The following AMOTL2 variants were observed in gnomAD, a reference collection of about 807,000 sequenced individuals.
The protein encoded by AMOTL2 is angiomotin-like protein 2.
AMOTL2 carries 33 observed loss-of-function variants against 78.4 expected under a neutral mutation model. That is an observed-to-expected ratio of 0.42 (90% CI 0.32 to 0.56). The LOEUF (loss-of-function observed/expected upper bound fraction) is 0.56, where lower values mean the gene tolerates loss of function less well. Among genes scored for constraint, AMOTL2 ranks in the 20% least tolerant of loss-of-function variants. The pLI is 0.12. For missense variants in AMOTL2, 983 were observed against 1,030.1 expected (o/e 0.95, Z 0.63); for synonymous variants, 422 against 428.8 (o/e 0.98, Z 0.20).
At position 134,361,554 on chromosome 3, in the gene AMOTL2, C is replaced by T. The variant is rs373578968; in HGVS notation, c.1533G>A (p.Arg511=). The change falls in exon 6 of 10, where the codon CGG becomes CGA. Residue 511 remains arginine, a synonymous_variant. Coordinates refer to ENST00000249883, the MANE Select transcript of AMOTL2 (RefSeq NM_016201.4). ...CCTTGAGTTCCTGCTCCAGGCGAGT[C>T]CGCAGACGCAGCTCCAGCTGCTCCC... The part of the protein sequence containing the change: ...EKREQLELRL[R]TRLEQELKAL... 52 of 1,613,154 alleles carry T rather than the reference C, an allele frequency of 3.2e-5. No homozygotes were observed. The highest frequency in any genetic ancestry group is 4.2e-5 in the Non-Finnish European group (49 of 1,179,880).
chr3:134,361,921 A>G, intron 5 of AMOTL2, 114 bp from the exon 6 acceptor site: 1 of 909,356 alleles, frequency 1.1e-6, no homozygotes, highest in Non-Finnish European at 1.6e-6. Context: ...TTCTCTCAAA[A>G]ATAACAGGAA....
Position 134,357,745 on chromosome 3 carries a change from C to CT in AMOTL2, c.2302dup (p.Arg768LysfsTer87). 1 of 1,614,180 alleles carries CT rather than the reference C, an allele frequency of 6.2e-7. No homozygotes were observed. Among genetic ancestry groups the CT allele is most frequent in the Non-Finnish European group, 8.5e-7 (1 of 1,180,026 alleles). On this transcript the variant is annotated frameshift_variant, in exon 10 of 10. Transcript: ENST00000249883. LOFTEE classifies it high-confidence loss of function. ...CACCATGTCTGACAAGTCCTGGACT[C>CT]TGGATGTAGCTACAGAGTCTGGAGA...
upstream of AMOTL2, chr3:134,375,001 A>G (rs2018036739): frequency 7.0e-7 from 1 of 1,431,464 alleles, no homozygotes; most frequent in African/African-American, 1.4e-5. Flanking sequence ...GGGCTGGGAC[A>G]GTGCCCCGGG....
intron 1 of AMOTL2, among the ~76,000 whole-genome samples, chr3:134,373,363 C>A (rs192168292): frequency 6.6e-6 from 1 of 152,108 alleles, no homozygotes; most frequent in Admixed American, 6.5e-5. Context: ...AGATTCCAGG[C>A]GCTCCATAGT....
At chr3:134,362,273 C>A (rs1162169336) in intron 5 of AMOTL2, among the ~76,000 whole-genome samples, 1 of 152,218 alleles carries the variant, frequency 6.6e-6, no homozygotes, top group Non-Finnish European at 1.5e-5. Flanking sequence ...GGGAACAGAA[C>A]CACCATCGGC....
chr3:134,367,542 C>A lies in AMOTL2; in HGVS notation c.996G>T (p.Gln332His), dbSNP rs767577751. 1 of 1,613,172 alleles carries A rather than the reference C, an allele frequency of 6.2e-7. No individual in the cohort carries two copies. Residue 332 changes from glutamine (Q) to histidine (H), a missense_variant, in exon 3 of 10, where the codon CAG becomes CAT. Transcript: ENST00000249883. Reference sequence around the variant, plus strand: ...TCTCCGCAGAGCTCTCCAGCTCCCTCTGCAGCCGCTCATTGTCTCTCTGCA... The same window carrying A: ...TCTCCGCAGAGCTCTCCAGCTCCCTATGCAGCCGCTCATTGTCTCTCTGCA... Reference protein sequence around the residue: ...ARLQRDNERLQRELESSAEKA... With the variant: ...ARLQRDNERLHRELESSAEKA...
At chr3:134,375,272 G>A (rs1387892089), upstream of AMOTL2, 21 of 1,532,482 alleles carry the variant, frequency 1.4e-5, no homozygotes, top group Admixed American at 4.1e-4. Context: ...AGTGCAAGGT[G>A]TGCCACCGCT....
chr3:134,359,135 G>C (rs2017220042), intron 8 of AMOTL2, 148 bp downstream of exon 8: 2 of 819,328 alleles, frequency 2.4e-6, no homozygotes, highest in African/African-American at 3.4e-5. Context: ...AGAGTCACTA[G>C]AGGCAGAGAA....
At chr3:134,370,399 A>G (rs1310915905) in intron 2 of AMOTL2, among the ~76,000 whole-genome samples, 1 of 152,224 alleles carries the variant, frequency 6.6e-6, no homozygotes. Context: ...GTTCTTTCTG[A>G]AATCTAACCT....
intron 1 of AMOTL2, chr3:134,374,115 G>T: frequency 5.5e-6 from 3 of 542,392 alleles, no homozygotes; most frequent in Non-Finnish European, 6.8e-6. Context: ...CAAGAGACCC[G>T]CGCGTTTCTA....
chr3:134,371,434 G>A lies in AMOTL2; in HGVS notation c.-1C>T. 1 of 1,601,072 alleles carries A rather than the reference G, an allele frequency of 6.2e-7. No individual in the cohort carries two copies. On this transcript the variant is annotated 5_prime_UTR_variant, in exon 2 of 10. Transcript: ENST00000249883. ...CCGAGGAGTCTTCCAGTGTCCTCAT[G>A]CTTCTTTGGCTTGCACACAGCTGCC...
chr3:134,367,415 C>T (rs953187903), intron 3 of AMOTL2, 82 bp downstream of exon 3: 1 of 1,513,608 alleles, frequency 6.6e-7, no homozygotes, highest in Non-Finnish European at 9.0e-7. Context: ...GCTCCTCTGC[C>T]TCTCCTTGGA....
Position 134,356,544 on chromosome 3 carries a change from T to C in AMOTL2, c.*1161A>G, listed in dbSNP as rs2107733645. On this transcript the variant is annotated 3_prime_UTR_variant, in exon 10 of 10. Coordinates refer to ENST00000249883, the MANE Select transcript of AMOTL2 (RefSeq NM_016201.4). ...AGCCAGCCTCCTGGGCACTGTTTTG[T>C]GATGGGGGCTCCATTCAGAGGACTA... The C allele has an allele frequency of 6.5e-6, 1 of 152,796 alleles. No individual in the cohort carries two copies. Among genetic ancestry groups the C allele is most frequent in the East Asian group, 1.9e-4 (1 of 5,180 alleles). 9.5% of individuals were successfully genotyped at this position (152,796 alleles called of 1,614,324 possible).
intron 5 of AMOTL2, among the ~76,000 whole-genome samples, chr3:134,363,557 A>T (rs912949617): frequency 6.6e-6 from 1 of 152,180 alleles, no homozygotes; most frequent in African/African-American, 2.4e-5. Context: ...GGAGAGAAGA[A>T]ATATTCCCAA....
At position 134,358,618 on chromosome 3, in the gene AMOTL2, C is replaced by CT; in HGVS notation, c.2205dup (p.Asp736ArgfsTer12). The CT allele has an allele frequency of 6.2e-7, 1 of 1,613,928 alleles. No individual in the cohort carries two copies. Among genetic ancestry groups the CT allele is most frequent in the Non-Finnish European group, 8.5e-7 (1 of 1,179,936 alleles). ...GGTGGCAGGCAGGTGGAGGTGCTGTCTGGGGGGCCCTCAGTCTGGGTGCTC... is the reference window on the plus strand; with the variant it reads ...GGTGGCAGGCAGGTGGAGGTGCTGTCTTGGGGGGCCCTCAGTCTGGGTGCTC... On this transcript the variant is annotated frameshift_variant, in exon 9 of 10. Transcript: ENST00000249883. LOFTEE classifies it high-confidence loss of function.
intron 2 of AMOTL2, among the ~76,000 whole-genome samples, chr3:134,368,444 G>A (rs924652727): frequency 2.0e-5 from 3 of 151,920 alleles, no homozygotes; most frequent in African/African-American, 7.2e-5. Context: ...TGAGACAAAT[G>A]TCAGGGTAAG....
At chr3:134,362,476 C>T (rs2017415932) in intron 5 of AMOTL2, among the ~76,000 whole-genome samples, 2 of 152,216 alleles carry the variant, frequency 1.3e-5, no homozygotes, top group South Asian at 4.1e-4. Flanking sequence ...TACTTATAGG[C>T]CACCCAGAGC....
intron 6 of AMOTL2, 50 bp downstream of exon 6, chr3:134,361,462 A>T (rs1337313828): frequency 1.3e-6 from 2 of 1,519,422 alleles, no homozygotes; most frequent in Non-Finnish European, 1.8e-6. Flanking sequence ...GGAGGAAGGG[A>T]AGCCAACATC....
chr3:134,360,945 C>A (rs1401385010), intron 6 of AMOTL2, among the ~76,000 whole-genome samples: 1 of 152,090 alleles, frequency 6.6e-6, no homozygotes, highest in Non-Finnish European at 1.5e-5. Context: ...AGGCCAAGGT[C>A]GGCGGACCAC....
Sources: gnomAD v4.1 joint callset for allele counts (sites outside exome capture counted in the v4.1 genomes callset) on GRCh38, gnomAD v4.1.1 for gene constraint, MANE v1.5 for transcripts, NCBI Gene and HGNC (gene_info 2026-07-23, HGNC 2026-07-21) for gene names.